Variants in STK4 observed in about 807,000 individuals in gnomAD.
The protein encoded by STK4 is serine/threonine-protein kinase 4.
In STK4, 30 loss-of-function variants were observed where a neutral mutation model predicts 64.9. The ratio of observed to expected loss-of-function variants is 0.46; its 90% CI spans 0.35 to 0.63. The LOEUF is 0.63. Ranked by LOEUF, STK4 falls within the 20% of genes least tolerant of loss-of-function variation. The pLI is 0.01. For synonymous variants in STK4, 177 were observed against 199.0 expected, an observed-to-expected ratio of 0.89 and a Z score of 0.93; for missense variants, 466 against 598.5, an observed-to-expected ratio of 0.78 and a Z score of 2.31.
At chr20:45,009,581 C>T (rs980556075) in intron 9 of STK4, among the ~76,000 whole-genome samples, 1 of 152,058 alleles carries the variant, frequency 6.6e-6, no homozygotes, top group Non-Finnish European at 1.5e-5. Flanking sequence ...ATGTCATTGG[C>T]AATTTTATAG....
At chr20:45,034,762 A>G (rs1226928091) in intron 10 of STK4, among the ~76,000 whole-genome samples, 1 of 152,028 alleles carries the variant, frequency 6.6e-6, no homozygotes, top group Non-Finnish European at 1.5e-5. Context: ...AAAAAAGGAA[A>G]AAAAATTAGC....
chr20:44,984,946 G>C (rs2067506791), intron 4 of STK4, among the ~76,000 whole-genome samples: 1 of 151,746 alleles, frequency 6.6e-6, no homozygotes, highest in Non-Finnish European at 1.5e-5. Context: ...GCGTCTGCTT[G>C]TTTCCTTTTT....
chr20:45,056,536 A>G (rs1284772409), intron 10 of STK4, among the ~76,000 whole-genome samples: 1 of 152,166 alleles, frequency 6.6e-6, no homozygotes, highest in African/African-American at 2.4e-5. Flanking sequence ...TTAATTCTGC[A>G]TTTGGACTGT....
intron 10 of STK4, among the ~76,000 whole-genome samples, chr20:45,035,746 C>T (rs571803226): frequency 3.9e-5 from 6 of 152,302 alleles, no homozygotes; most frequent in Non-Finnish European, 7.4e-5. Flanking sequence ...TAAACTCAGA[C>T]ATAGTCTCTG....
chr20:44,990,851 G>A (rs1018845252), intron 5 of STK4, among the ~76,000 whole-genome samples: 1 of 152,112 alleles, frequency 6.6e-6, no homozygotes, highest in South Asian at 2.1e-4. Flanking sequence ...TTGGATGTCC[G>A]TTTTCACCCC....
chr20:45,063,534 G>T (rs998851813), intron 10 of STK4, among the ~76,000 whole-genome samples: 1 of 152,122 alleles, frequency 6.6e-6, no homozygotes, highest in Admixed American at 6.5e-5. Flanking sequence ...CTCCCATTCT[G>T]TAAGTTGTCT....
At chr20:44,988,521 A>ATGTGTGTGTGTGTG (rs1355396060) in intron 5 of STK4, among the ~76,000 whole-genome samples, 2 of 83,144 alleles carry the variant, frequency 2.4e-5, no homozygotes, top group East Asian at 3.8e-4. Context: ...GTGTGTATAT[A>ATGTGTGTGTGTGTG]TATGTGTGTG....
Position 44,978,517 on chromosome 20 carries a change from A to G in STK4, c.191A>G (p.Glu64Gly). 1 of 1,614,130 alleles carries G rather than the reference A, an allele frequency of 6.2e-7. No individual in the cohort carries two copies. Among genetic ancestry groups the G allele is most frequent in the Non-Finnish European group, 8.5e-7 (1 of 1,180,010 alleles). Residue 64 changes from glutamate to glycine, a missense_variant, in exon 3 of 11, where the codon GAA becomes GGA. Glu to Gly is a moderately conservative substitution (Grantham distance 98). Transcript: ENST00000372806. The stretch of plus-strand genomic sequence containing the variant: ...GTTGCTATTAAGCAAGTTCCTGTGG[A>G]ATCAGACCTCCAGGAGATAATCAAA... ...QIVAIKQVPVESDLQEIIKEI... is the reference protein window; with the variant it reads ...QIVAIKQVPVGSDLQEIIKEI...
intron 9 of STK4, among the ~76,000 whole-genome samples, chr20:45,005,113 A>G (rs2067915001): frequency 6.6e-6 from 1 of 151,900 alleles, no homozygotes; most frequent in Non-Finnish European, 1.5e-5. Flanking sequence ...CCTCACCGCC[A>G]TCACTTCCTT....
intron 10 of STK4, among the ~76,000 whole-genome samples, chr20:45,036,354 G>A (rs548101569): frequency 6.6e-6 from 1 of 152,170 alleles, no homozygotes; most frequent in African/African-American, 2.4e-5. Flanking sequence ...ATCCCGCCTG[G>A]GACATGAATC....
intron 9 of STK4, among the ~76,000 whole-genome samples, chr20:45,013,004 G>T (rs2068082097): frequency 7.9e-6 from 1 of 127,124 alleles, no homozygotes; most frequent in Non-Finnish European, 1.6e-5. Flanking sequence ...TCCCTGTGTT[G>T]CCCAGGCTGG....
chr20:45,047,099 C>T (rs971594264), intron 10 of STK4, among the ~76,000 whole-genome samples: 5 of 152,188 alleles, frequency 3.3e-5, no homozygotes, highest in Admixed American at 2.0e-4. Context: ...TCTCTTAAGA[C>T]TAACTACATT....
At chr20:45,032,509 T>A (rs973098620) in intron 10 of STK4, among the ~76,000 whole-genome samples, 4 of 152,200 alleles carry the variant, frequency 2.6e-5, no homozygotes, top group Non-Finnish European at 5.9e-5. Flanking sequence ...TACTTACAAG[T>A]GAGAACATGC....
intron 10 of STK4, among the ~76,000 whole-genome samples, chr20:45,050,615 A>G (rs2068763055): frequency 6.6e-6 from 1 of 151,916 alleles, no homozygotes. Flanking sequence ...TGGAATTCTT[A>G]TTTTCTTTAT....
chr20:45,028,441 C>T (rs1388370858), intron 10 of STK4, among the ~76,000 whole-genome samples: 2 of 151,958 alleles, frequency 1.3e-5, no homozygotes, highest in Non-Finnish European at 2.9e-5. Context: ...ATCCTCCCAC[C>T]TCAGCCTTCT....
chr20:45,001,485 G>A (rs374658910), intron 9 of STK4, 132 bp downstream of exon 9: 1 of 1,138,426 alleles, frequency 8.8e-7, no homozygotes, highest in South Asian at 2.2e-5. Context: ...TAGAAAACTT[G>A]GAAGTTTGCG....
intron 10 of STK4, among the ~76,000 whole-genome samples, chr20:45,070,449 G>A (rs919904364): frequency 2.0e-5 from 3 of 152,104 alleles, no homozygotes; most frequent in African/African-American, 7.2e-5. Context: ...GCGGGGGTGA[G>A]GGAAAAGGAA....
intron 10 of STK4, among the ~76,000 whole-genome samples, chr20:45,065,407 TTTTTTGTTTTTG>T (rs778483549): frequency 6.6e-6 from 1 of 152,106 alleles, no homozygotes; most frequent in African/African-American, 2.4e-5. Context: ...GGCCTGAAGT[TTTTTTGTTTTTG>T]TTTTTGTTTT....
chr20:45,027,851 A>G (rs548140496), intron 10 of STK4, among the ~76,000 whole-genome samples: 25 of 152,306 alleles, frequency 1.6e-4, no homozygotes, highest in African/African-American at 5.5e-4. Context: ...GAGTGAGAAC[A>G]TGTAATATTT....
Sources: allele counts gnomAD v4.1 joint callset (sites outside exome capture counted in the v4.1 genomes callset), GRCh38; gene constraint gnomAD v4.1.1; transcripts MANE v1.5; gene names NCBI Gene and HGNC (gene_info 2026-07-23, HGNC 2026-07-21).